The following CNTNAP2 variants were observed in gnomAD, a reference collection of about 807,000 sequenced individuals.
CNTNAP2 encodes contactin-associated protein-like 2.
CNTNAP2 carries 98 observed loss-of-function variants against 155.2 expected under a neutral mutation model. That is an observed-to-expected ratio of 0.63 (90% CI 0.54 to 0.75). CNTNAP2 has a LOEUF of 0.75. CNTNAP2 is among the 30% of genes least tolerant of loss of function. CNTNAP2 has a pLI of 0.00. For synonymous variants in CNTNAP2, 651 were observed against 631.2 expected, an observed-to-expected ratio of 1.03 and a Z score of -0.47; for missense variants, 1,727 against 1,688.1, an observed-to-expected ratio of 1.02 and a Z score of -0.40.
At chr7:146,590,551 A>C (rs937443336) in intron 1 of CNTNAP2, among the ~76,000 whole-genome samples, 1 of 152,188 alleles carries the variant, frequency 6.6e-6, no homozygotes, top group Non-Finnish European at 1.5e-5. Flanking sequence ...TAATCCAAAA[A>C]TCTGAAATTC....
At chr7:147,920,355 CAAAAA>C (rs35672069) in intron 14 of CNTNAP2, among the ~76,000 whole-genome samples, 18,005 of 86,740 alleles carry the variant, frequency 0.21, 1,310 homozygotes, top group African/African-American at 0.29. Flanking sequence ...GACTCCGTCT[CAAAAA>C]AAAAAAAAAA....
chr7:147,738,498 C>G (rs1468471885), intron 13 of CNTNAP2, among the ~76,000 whole-genome samples: 2 of 152,128 alleles, frequency 1.3e-5, no homozygotes, highest in Non-Finnish European at 2.9e-5. Flanking sequence ...GAGGCAAGAC[C>G]CTTCACTAGG....
chr7:146,798,367 G>T (rs975676749), intron 2 of CNTNAP2, among the ~76,000 whole-genome samples: 10 of 152,060 alleles, frequency 6.6e-5, no homozygotes, highest in African/African-American at 2.4e-4. Context: ...TTTGACACAG[G>T]GTCTGGCTCT....
chr7:146,549,354 G>T (rs1446694679), intron 1 of CNTNAP2, among the ~76,000 whole-genome samples: 1 of 151,684 alleles, frequency 6.6e-6, no homozygotes, highest in Non-Finnish European at 1.5e-5. Context: ...TATCTTATTT[G>T]TTTATATTGA....
intron 3 of CNTNAP2, among the ~76,000 whole-genome samples, chr7:146,842,917 C>G (rs1269997750): frequency 2.0e-5 from 3 of 146,882 alleles, no homozygotes. Flanking sequence ...CATCTCCTGA[C>G]CTTGTGATCT....
At chr7:148,281,117 CT>C (rs1251727421) in intron 21 of CNTNAP2, among the ~76,000 whole-genome samples, 23 of 152,168 alleles carry the variant, frequency 1.5e-4, no homozygotes, top group Admixed American at 1.5e-3. Context: ...TCCCTCTTTA[CT>C]TTCCTGCGCT....
chr7:146,367,327 A>C (rs1277792759), intron 1 of CNTNAP2, among the ~76,000 whole-genome samples: 3 of 152,166 alleles, frequency 2.0e-5, no homozygotes, highest in African/African-American at 7.2e-5. Context: ...CGGCAGAGCA[A>C]ATGCAGTTAT....
chr7:146,837,886 A>G (rs1355398128), intron 2 of CNTNAP2, among the ~76,000 whole-genome samples: 2 of 152,138 alleles, frequency 1.3e-5, no homozygotes, highest in South Asian at 2.1e-4. Flanking sequence ...CTAGTCTGAA[A>G]TCAAATTTTT....
chr7:147,626,005 T>C (rs938638579), intron 12 of CNTNAP2, among the ~76,000 whole-genome samples: 5 of 152,138 alleles, frequency 3.3e-5, no homozygotes, highest in African/African-American at 9.7e-5. Flanking sequence ...TTGCAGGCAG[T>C]CCCAGTCTCC....
At chr7:146,515,343 T>C (rs923974985) in intron 1 of CNTNAP2, among the ~76,000 whole-genome samples, 2 of 152,016 alleles carry the variant, frequency 1.3e-5, no homozygotes, top group African/African-American at 4.8e-5. Context: ...GTGAGACACA[T>C]ATGTGTGAGG....
chr7:146,580,489 T>C (rs1442639755), intron 1 of CNTNAP2, among the ~76,000 whole-genome samples: 1 of 151,010 alleles, frequency 6.6e-6, no homozygotes, highest in African/African-American at 2.4e-5. Context: ...AAAAAAAAGA[T>C]TCAAGAGATT....
intron 4 of CNTNAP2, among the ~76,000 whole-genome samples, chr7:147,068,672 A>T (rs1185591934): frequency 2.0e-5 from 3 of 152,092 alleles, no homozygotes; most frequent in Admixed American, 6.5e-5. Flanking sequence ...CTCCATAATA[A>T]ATTTACTTTA....
At chr7:147,083,962 T>TATATG (rs1800208988) in intron 4 of CNTNAP2, among the ~76,000 whole-genome samples, 4 of 130,332 alleles carry the variant, frequency 3.1e-5, no homozygotes, top group East Asian at 4.8e-4. Flanking sequence ...ATATATAGCA[T>TATATG]TATATATGTG....
chr7:146,127,713 A>G (rs1385119991), intron 1 of CNTNAP2, among the ~76,000 whole-genome samples: 1 of 152,194 alleles, frequency 6.6e-6, no homozygotes. Flanking sequence ...TGTTATCTGC[A>G]TGCAAATTAA....
intron 21 of CNTNAP2, among the ~76,000 whole-genome samples, chr7:148,332,291 T>C: frequency 6.6e-6 from 1 of 152,308 alleles, no homozygotes; most frequent in Middle Eastern, 3.4e-3. Context: ...CCATGTATGC[T>C]TTATTTGCTT....
At chr7:147,911,899 G>T (rs532532488) in intron 14 of CNTNAP2, among the ~76,000 whole-genome samples, 1 of 152,060 alleles carries the variant, frequency 6.6e-6, no homozygotes, top group East Asian at 1.9e-4. Flanking sequence ...TGTGAATAAC[G>T]CTGCTACGAG....
chr7:147,449,163 T>C (rs1797790464), intron 10 of CNTNAP2, among the ~76,000 whole-genome samples: 1 of 152,194 alleles, frequency 6.6e-6, no homozygotes, highest in Non-Finnish European at 1.5e-5. Flanking sequence ...ACATCAAATG[T>C]TCTCTGGCTA....
chr7:148,018,454 A>G (rs373889744), intron 15 of CNTNAP2, among the ~76,000 whole-genome samples: 13 of 152,330 alleles, frequency 8.5e-5, no homozygotes, highest in East Asian at 1.9e-4. Context: ...ATGTTCAAAA[A>G]CATATTTCAA....
chr7:146,497,916 CAT>C (rs199828754), intron 1 of CNTNAP2, among the ~76,000 whole-genome samples: 15 of 148,706 alleles, frequency 1.0e-4, no homozygotes, highest in African/African-American at 2.7e-4. Flanking sequence ...CATATATAAA[CAT>C]ATATTCTAAC....
Sources: gnomAD v4.1 joint callset for allele counts (sites outside exome capture counted in the v4.1 genomes callset) on GRCh38, gnomAD v4.1.1 for gene constraint, MANE v1.5 for transcripts, NCBI Gene and HGNC (gene_info 2026-07-23, HGNC 2026-07-21) for gene names.